The following SGCZ variants were observed in gnomAD, a reference collection of about 807,000 sequenced individuals.
SGCZ encodes the protein sarcoglycan zeta.
A neutral mutation model predicts 41.3 loss-of-function variants in SGCZ; 40 were observed. The observed-to-expected ratio is 0.97, with a 90% CI of 0.75 to 1.26. The LOEUF (loss-of-function observed/expected upper bound fraction) is 1.26. Ranked by LOEUF, SGCZ falls within the 50% of genes most tolerant of loss-of-function variation. The pLI, the probability that SGCZ is intolerant of heterozygous loss-of-function variation, is 0.00. For missense variants in SGCZ, 552 were observed against 369.8 expected, an observed-to-expected ratio of 1.49 and a Z score of -4.04; for synonymous variants, 206 against 137.5, an observed-to-expected ratio of 1.50 and a Z score of -3.49.
intron 1 of SGCZ, among the ~76,000 whole-genome samples, chr8:14,619,910 G>A (rs1179256137): frequency 1.3e-5 from 2 of 152,112 alleles, no homozygotes; most frequent in African/African-American, 4.8e-5. Flanking sequence ...AGCTACCAAT[G>A]CCTTTCTTCA....
At chr8:14,263,788 A>G (rs1352498746) in intron 3 of SGCZ, among the ~76,000 whole-genome samples, 1 of 152,192 alleles carries the variant, frequency 6.6e-6, no homozygotes, top group Non-Finnish European at 1.5e-5. Context: ...GAAGAGGGCA[A>G]GAAGGACAGA....
intron 1 of SGCZ, among the ~76,000 whole-genome samples, chr8:14,570,458 A>G (rs1000175102): frequency 6.6e-6 from 1 of 152,206 alleles, no homozygotes; most frequent in East Asian, 1.9e-4. Flanking sequence ...TTATTTATGC[A>G]AGGGTAGATT....
chr8:14,208,651 A>T (rs1446081858), intron 4 of SGCZ, among the ~76,000 whole-genome samples: 1 of 152,158 alleles, frequency 6.6e-6, no homozygotes, highest in Non-Finnish European at 1.5e-5. Context: ...GGTTATTACC[A>T]TTATGAAAAC....
intron 2 of SGCZ, among the ~76,000 whole-genome samples, chr8:14,475,444 C>G (rs1020048411): frequency 6.6e-6 from 1 of 151,210 alleles, no homozygotes; most frequent in Non-Finnish European, 1.5e-5. Flanking sequence ...TTTAAAGGAT[C>G]ATATCCATGC....
Position 14,676,694 on chromosome 8 carries a change from A to G in SGCZ, c.40-121768T>C, listed in dbSNP as rs371793207. Among the ~76,000 whole-genome samples, 186 of 152,364 alleles carry G rather than the reference A, an allele frequency of 1.2e-3. 1 individual carries two copies. The highest frequency in any genetic ancestry group is 4.2e-3 in the African/African-American group (174 of 41,590). Reference sequence around the variant, plus strand: ...TGGAAAAGCATGAACCTTAAGAAGGATAAAAATCAACTAATAAAAACACAT... The same window carrying G: ...TGGAAAAGCATGAACCTTAAGAAGGGTAAAAATCAACTAATAAAAACACAT... On this transcript the variant is annotated intron_variant, in intron 1 of 7. Transcript: ENST00000382080.
Position 15,203,618 on chromosome 8 carries a change from A to G in SGCZ, c.39+33967T>C, listed in dbSNP as rs151074202. On this transcript the variant is annotated intron_variant, in intron 1 of 7. Coordinates refer to ENST00000382080, the MANE Select transcript of SGCZ (RefSeq NM_139167.4). Reference sequence around the variant, plus strand: ...TTAAACAGACAAATGTGGCATTCATATATATCACATGGTTATTATAGCAAG... The same window carrying G: ...TTAAACAGACAAATGTGGCATTCATGTATATCACATGGTTATTATAGCAAG... Among the ~76,000 whole-genome samples, 172 of 152,346 alleles carry G rather than the reference A, an allele frequency of 1.1e-3. 1 individual carries two copies. Among genetic ancestry groups the G allele is most frequent in the African/African-American group, 3.9e-3 (163 of 41,584 alleles).
At chr8:14,346,681 A>G (rs1802901158) in intron 2 of SGCZ, among the ~76,000 whole-genome samples, 1 of 152,116 alleles carries the variant, frequency 6.6e-6, no homozygotes. Flanking sequence ...AAGCTGTTTT[A>G]CATTATAAGG....
chr8:14,342,128 G>A (rs1802732918), intron 2 of SGCZ, among the ~76,000 whole-genome samples: 1 of 152,136 alleles, frequency 6.6e-6, no homozygotes, highest in Admixed American at 6.6e-5. Flanking sequence ...AATGCTGATA[G>A]GGATATGAAC....
chr8:15,010,730 T>G (rs974610480), intron 1 of SGCZ, among the ~76,000 whole-genome samples: 8 of 152,148 alleles, frequency 5.3e-5, no homozygotes, highest in African/African-American at 1.9e-4. Flanking sequence ...ATTCTGGCAT[T>G]TTCTCACATT....
intron 5 of SGCZ, among the ~76,000 whole-genome samples, chr8:14,114,953 A>C (rs1802479617): frequency 6.6e-6 from 1 of 151,952 alleles, no homozygotes; most frequent in Non-Finnish European, 1.5e-5. Context: ...AAAGAAAATA[A>C]ATTATTTCCA....
At chr8:14,390,081 T>A (rs1031001249) in intron 2 of SGCZ, among the ~76,000 whole-genome samples, 1 of 151,968 alleles carries the variant, frequency 6.6e-6, no homozygotes, top group African/African-American at 2.4e-5. Flanking sequence ...TGATGATAAA[T>A]AGACTATGAA....
chr8:15,036,631 GC>G (rs1803886529), intron 1 of SGCZ, among the ~76,000 whole-genome samples: 3 of 152,160 alleles, frequency 2.0e-5, no homozygotes, highest in Non-Finnish European at 4.4e-5. Context: ...GGAACTAATG[GC>G]CTCATTGCTG....
intron 1 of SGCZ, among the ~76,000 whole-genome samples, chr8:15,039,476 G>C (rs1471011460): frequency 3.9e-5 from 6 of 152,100 alleles, no homozygotes; most frequent in Admixed American, 6.6e-5. Context: ...AGGATCAGTG[G>C]GTGGGGTTGG....
intron 3 of SGCZ, among the ~76,000 whole-genome samples, chr8:14,265,426 G>A (rs62500223): frequency 0.25 from 37,973 of 151,960 alleles, 6,063 homozygotes; most frequent in Non-Finnish European, 0.36. Context: ...CCTGGAAAAC[G>A]CTGGATCTCT....
intron 1 of SGCZ, among the ~76,000 whole-genome samples, chr8:14,702,068 T>G (rs2117599793): frequency 6.6e-6 from 1 of 152,056 alleles, no homozygotes; most frequent in South Asian, 2.1e-4. Flanking sequence ...ATTAGGTTCT[T>G]GCCTTCCTCA....
chr8:14,773,521 A>T (rs558543599), intron 1 of SGCZ, among the ~76,000 whole-genome samples: 1 of 152,266 alleles, frequency 6.6e-6, no homozygotes, highest in Non-Finnish European at 1.5e-5. Flanking sequence ...CTGGCTGCCT[A>T]CTTTCTCCCA....
Position 14,926,123 on chromosome 8 carries a change from C to T in SGCZ, c.39+311462G>A, listed in dbSNP as rs147298189. On this transcript the variant is annotated intron_variant, in intron 1 of 7. Transcript: ENST00000382080. ...CCTAAGAAGAACACAGGTCATTAAA[C>T]GCAAACTTTGATTTCAGTAAAAATA... Among the ~76,000 whole-genome samples the T allele has an allele frequency of 7.9e-3, 1,208 of 152,212 alleles. 11 individuals are homozygous for T. Among genetic ancestry groups the T allele is most frequent in the Middle Eastern group, 0.014 (4 of 294 alleles).
chr8:14,924,386 TA>T (rs1799682265), intron 1 of SGCZ, among the ~76,000 whole-genome samples: 1 of 152,190 alleles, frequency 6.6e-6, no homozygotes, highest in Admixed American at 6.5e-5. Flanking sequence ...TACATGACAC[TA>T]GAGATGAAAG....
chr8:15,093,230 T>C (rs1223668031), intron 1 of SGCZ, among the ~76,000 whole-genome samples: 1 of 152,148 alleles, frequency 6.6e-6, no homozygotes, highest in Non-Finnish European at 1.5e-5. Flanking sequence ...TTAAGAAGAG[T>C]TGCCTCTCAC....
Sources: gnomAD v4.1 joint callset for allele counts (sites outside exome capture counted in the v4.1 genomes callset) on GRCh38, gnomAD v4.1.1 for gene constraint, MANE v1.5 for transcripts, NCBI Gene and HGNC (gene_info 2026-07-23, HGNC 2026-07-21) for gene names.